Variants in PCSK5 observed in about 807,000 individuals in gnomAD.
PCSK5 encodes proprotein convertase subtilisin/kexin type 5.
In PCSK5, 129 loss-of-function variants were observed where a neutral mutation model predicts 233.2. The ratio of observed to expected loss-of-function variants is 0.55; its 90% CI spans 0.48 to 0.64. The LOEUF is 0.64. Ranked by LOEUF, PCSK5 falls within the 30% of genes least tolerant of loss-of-function variation. The pLI, the probability that PCSK5 is intolerant of heterozygous loss-of-function variation, is 0.00. For missense variants in PCSK5, 2,076 were observed against 2,430.1 expected, an observed-to-expected ratio of 0.85 and a Z score of 3.06; for synonymous variants, 825 against 879.2, an observed-to-expected ratio of 0.94 and a Z score of 1.09.
intron 3 of PCSK5, among the ~76,000 whole-genome samples, chr9:75,990,301 G>C (rs1826713222): frequency 6.6e-6 from 1 of 152,166 alleles, no homozygotes; most frequent in South Asian, 2.1e-4. Context: ...ATTAAAGAAT[G>C]GCATGAAGTG....
intron 20 of PCSK5, among the ~76,000 whole-genome samples, chr9:76,213,885 C>G (rs1257350705): frequency 1.3e-5 from 2 of 152,122 alleles, no homozygotes; most frequent in African/African-American, 4.8e-5. Flanking sequence ...TCTCCACTTT[C>G]CCTCCTGCCC....
intron 30 of PCSK5, among the ~76,000 whole-genome samples, chr9:76,315,932 T>A (rs1587316948): frequency 6.8e-6 from 1 of 147,680 alleles, no homozygotes; most frequent in East Asian, 1.9e-4. Context: ...TCAAGGGTTT[T>A]TTTTTTTTTT....
At chr9:76,068,091 T>G in intron 6 of PCSK5, 48 bp downstream of exon 6, 19 of 1,280,162 alleles carry the variant, frequency 1.5e-5, no homozygotes, top group Non-Finnish European at 1.8e-5. Context: ...CAGTTAGCTC[T>G]TTGGCTGACT....
At chr9:76,032,668 T>C (rs138854065) in intron 5 of PCSK5, among the ~76,000 whole-genome samples, 146 of 152,316 alleles carry the variant, frequency 9.6e-4, no homozygotes, top group African/African-American at 3.4e-3. Context: ...CATATTAGCT[T>C]GCCAAATAAA....
rs1198186086 is a variant in PCSK5, at chr9:76,157,051, A to G, written c.1319A>G (p.His440Arg). Residue 440 changes from histidine to arginine, a missense_variant, in exon 11 of 38, where the codon CAT (histidine) becomes CGT (arginine). Around this residue, in one of 6 missense-constraint regions of PCSK5, gnomAD observed 178 missense variants for 393.6 expected, o/e 0.45. Coordinates refer to ENST00000674117, the MANE Select transcript of PCSK5 (RefSeq NM_001372043.1). The part of the protein sequence containing the change: ...KTNAAGFKVS[H>R]LYGFGLMDAE... ...AGTCTCTCGCTTTCCACAGTGAGCC[A>G]TCTTTATGGATTTGGACTGATGGAC... 1 of 1,612,500 alleles carries G rather than the reference A, an allele frequency of 6.2e-7. No individual in the cohort carries two copies. The highest frequency in any genetic ancestry group is 1.3e-5 in the African/African-American group (1 of 75,006).
intron 16 of PCSK5, 28 bp downstream of exon 16, chr9:76,181,619 T>C (rs1564087293): frequency 2.0e-6 from 3 of 1,526,196 alleles, no homozygotes; most frequent in Non-Finnish European, 2.7e-6. Context: ...ACTTGGGTTT[T>C]AGAGAAGAAA....
At chr9:76,251,797 G>T (rs534686615) in intron 24 of PCSK5, among the ~76,000 whole-genome samples, 1 of 151,978 alleles carries the variant, frequency 6.6e-6, no homozygotes, top group East Asian at 1.9e-4. Context: ...AAGACATAAA[G>T]GTCAGAACAT....
chr9:76,155,155 T>C (rs1001528581), intron 10 of PCSK5, among the ~76,000 whole-genome samples: 1 of 152,214 alleles, frequency 6.6e-6, no homozygotes, highest in Non-Finnish European at 1.5e-5. Context: ...ATTTAATATG[T>C]CCTATCTGGC....
chr9:76,066,941 A>C (rs754870856), intron 5 of PCSK5, among the ~76,000 whole-genome samples: 2 of 152,188 alleles, frequency 1.3e-5, no homozygotes, highest in Non-Finnish European at 2.9e-5. Context: ...CTCTCTAAAA[A>C]TGAGGGAAGG....
intron 27 of PCSK5, among the ~76,000 whole-genome samples, chr9:76,297,663 G>C (rs2131417222): frequency 6.6e-6 from 1 of 152,338 alleles, no homozygotes; most frequent in Middle Eastern, 3.4e-3. Context: ...TCTGACTCAT[G>C]TTCTATGCGG....
At chr9:76,048,290 C>T (rs962905728) in intron 5 of PCSK5, among the ~76,000 whole-genome samples, 3 of 152,144 alleles carry the variant, frequency 2.0e-5, no homozygotes, top group African/African-American at 7.2e-5. Flanking sequence ...CTCGAATTGG[C>T]ACAGGTTTCA....
chr9:75,949,434 G>A lies in PCSK5; in HGVS notation c.297+16951G>A, dbSNP rs1337625113. ...TTTTCCATGTCATGAAGTTTTCCTTGAAATCATCATCATAAAGGAACATGG... is the reference window on the plus strand; with the variant it reads ...TTTTCCATGTCATGAAGTTTTCCTTAAAATCATCATCATAAAGGAACATGG... On this transcript the variant is annotated intron_variant, in intron 2 of 37. Coordinates refer to ENST00000674117, the MANE Select transcript of PCSK5 (RefSeq NM_001372043.1). Among the ~76,000 whole-genome samples, 4 of 152,100 alleles carry A rather than the reference G, an allele frequency of 2.6e-5. No homozygotes were observed. The East Asian group carries it at 5.8e-4, about 22-fold the overall frequency.
chr9:75,960,528 A>G (rs1825304399), intron 2 of PCSK5, among the ~76,000 whole-genome samples: 1 of 152,250 alleles, frequency 6.6e-6, no homozygotes, highest in Admixed American at 6.5e-5. Context: ...GTGAAAGGGC[A>G]TGAATAAAGA....
At chr9:76,309,292 C>T (rs893256429) in intron 29 of PCSK5, among the ~76,000 whole-genome samples, 2 of 152,204 alleles carry the variant, frequency 1.3e-5, no homozygotes, top group Non-Finnish European at 2.9e-5. Flanking sequence ...AGCAACATAA[C>T]AGCTTGATAA....
intron 20 of PCSK5, among the ~76,000 whole-genome samples, chr9:76,198,408 CAG>C (rs1029426071): frequency 3.3e-5 from 5 of 152,114 alleles, no homozygotes; most frequent in African/African-American, 1.2e-4. Flanking sequence ...TTAAGCTTCA[CAG>C]AGTTTTACTA....
intron 10 of PCSK5, among the ~76,000 whole-genome samples, chr9:76,144,496 G>A (rs1465834289): frequency 6.6e-6 from 1 of 152,200 alleles, no homozygotes; most frequent in African/African-American, 2.4e-5. Context: ...GTTGTTAACT[G>A]CACAAGGGAG....
intron 2 of PCSK5, among the ~76,000 whole-genome samples, chr9:75,977,547 AC>A (rs2131375893): frequency 6.7e-6 from 1 of 149,706 alleles, no homozygotes; most frequent in Admixed American, 6.6e-5. Context: ...CTCCCGTCTT[AC>A]CAGTAAGACA....
chr9:76,220,328 A>G (rs1438092457), intron 20 of PCSK5, among the ~76,000 whole-genome samples: 2 of 151,988 alleles, frequency 1.3e-5, no homozygotes, highest in East Asian at 3.9e-4. Context: ...GGAGTTCAAG[A>G]CCAGCCTGGC....
chr9:76,175,448 T>G (rs571742124), intron 14 of PCSK5: 1 of 406,154 alleles, frequency 2.5e-6, no homozygotes, highest in African/African-American at 2.0e-5. Flanking sequence ...GCAAAGCTAA[T>G]AGTCCATATT....
Sources: gnomAD v4.1 joint callset for allele counts (sites outside exome capture counted in the v4.1 genomes callset) on GRCh38, gnomAD v4.1.1 for gene constraint, gnomAD v4.1.1 regional missense constraint, MANE v1.5 for transcripts, NCBI Gene and HGNC (gene_info 2026-07-23, HGNC 2026-07-21) for gene names.